Variants in KCNIP4 observed in about 807,000 individuals in gnomAD.
KCNIP4 encodes the protein Kv channel-interacting protein 4.
A neutral mutation model predicts 34.0 loss-of-function variants in KCNIP4; 12 were observed. That is an observed-to-expected ratio of 0.35 (90% CI 0.23 to 0.57). The LOEUF is 0.57. Among genes scored for constraint, KCNIP4 ranks in the 20% least tolerant of loss-of-function variants. KCNIP4 has a pLI of 0.83. For missense variants in KCNIP4, 238 were observed against 311.7 expected (o/e 0.76, Z 1.78); for synonymous variants, 124 against 102.2 (o/e 1.21, Z -1.29).
chr4:20,730,164 C>A, intron 8 of KCNIP4, 35 bp from the exon 9 acceptor site: 1 of 1,584,606 alleles, frequency 6.3e-7, no homozygotes, highest in South Asian at 1.2e-5. Context: ...TTAAATTCAG[C>A]ATATCTGCAA....
At chr4:21,400,465 T>TTTCTCCTC (rs1553876082) in intron 1 of KCNIP4, among the ~76,000 whole-genome samples, 20 of 118,044 alleles carry the variant, frequency 1.7e-4, no homozygotes, top group African/African-American at 4.0e-4. Flanking sequence ...TTTCTTTCTG[T>TTTCTCCTC]TCCTCTCCTC....
At chr4:21,445,178 T>C (rs1294088386) in intron 1 of KCNIP4, among the ~76,000 whole-genome samples, 1 of 152,108 alleles carries the variant, frequency 6.6e-6, no homozygotes, top group African/African-American at 2.4e-5. Flanking sequence ...AGAATCAATA[T>C]CTTGAAAATG....
intron 1 of KCNIP4, among the ~76,000 whole-genome samples, chr4:21,093,917 C>G (rs1747231020): frequency 6.6e-6 from 1 of 151,962 alleles, no homozygotes; most frequent in East Asian, 1.9e-4. Flanking sequence ...CCCATCTCTA[C>G]TAAAAATACA....
At chr4:21,776,381 A>G (rs958498057) in intron 1 of KCNIP4, among the ~76,000 whole-genome samples, 2 of 151,902 alleles carry the variant, frequency 1.3e-5, no homozygotes, top group African/African-American at 4.8e-5. Context: ...CTAGTTGGCC[A>G]TCTTGGCCCC....
chr4:21,203,574 G>C (rs1338651825), intron 1 of KCNIP4, among the ~76,000 whole-genome samples: 1 of 152,116 alleles, frequency 6.6e-6, no homozygotes, highest in Admixed American at 6.6e-5. Flanking sequence ...TGCTGAACCT[G>C]CATGTTACCA....
rs980820786 is a variant in KCNIP4 at position 21,254,556 on chromosome 4, A to G, written c.62-371847T>C. Among the ~76,000 whole-genome samples, 5 of 152,166 alleles carry G rather than the reference A, an allele frequency of 3.3e-5. No individual in the cohort carries two copies. In the East Asian group the frequency reaches 7.7e-4, roughly 23 times the overall value. On this transcript the variant is annotated intron_variant, in intron 1 of 8. Transcript: ENST00000382152. ...ATTTTTAATTGACAAATAAAAATGC[A>G]CTACATTTTAAAACTTGAAGGCCCT...
At chr4:20,864,223 CAT>C (rs200562339) in intron 2 of KCNIP4, among the ~76,000 whole-genome samples, 58 of 144,574 alleles carry the variant, frequency 4.0e-4, no homozygotes, top group East Asian at 1.4e-3. Context: ...TGTATATATG[CAT>C]ATATATGTAC....
intron 1 of KCNIP4, among the ~76,000 whole-genome samples, chr4:21,087,824 C>T (rs1327752145): frequency 6.6e-6 from 1 of 152,176 alleles, no homozygotes; most frequent in Admixed American, 6.5e-5. Context: ...TCTGTTTATT[C>T]TTCTTTTCTC....
At chr4:21,824,785 C>A (rs1722574812) in intron 1 of KCNIP4, among the ~76,000 whole-genome samples, 3 of 152,036 alleles carry the variant, frequency 2.0e-5, no homozygotes, top group African/African-American at 7.2e-5. Context: ...CAAGGAGAAC[C>A]TGTTGGGCTG....
rs116072059 is a variant in KCNIP4, at chr4:21,682,175, G to A, written c.61+266396C>T. Among the ~76,000 whole-genome samples, 952 of 152,182 alleles carry A rather than the reference G, an allele frequency of 6.3e-3. 13 individuals are homozygous for A. The highest frequency in any genetic ancestry group is 0.022 in the African/African-American group (893 of 41,528). On this transcript the variant is annotated intron_variant, in intron 1 of 8. Coordinates refer to ENST00000382152, the MANE Select transcript of KCNIP4 (RefSeq NM_025221.6). ...TCCAAAGCGCTGAGATTACCTGCGT[G>A]AGCCACCACGCCCAGCCAATGCCAT...
intron 1 of KCNIP4, among the ~76,000 whole-genome samples, chr4:21,894,284 G>A (rs1370482008): frequency 2.6e-5 from 4 of 152,012 alleles, no homozygotes; most frequent in South Asian, 2.1e-4. Context: ...GAAGTGAGCC[G>A]AGATTGAGCT....
intron 1 of KCNIP4, among the ~76,000 whole-genome samples, chr4:21,727,092 G>A (rs1275192140): frequency 1.3e-5 from 2 of 152,122 alleles, no homozygotes; most frequent in African/African-American, 2.4e-5. Context: ...GTGGTCACAT[G>A]TGCCATGTAT....
At chr4:21,211,526 G>T (rs1303572859) in intron 1 of KCNIP4, among the ~76,000 whole-genome samples, 1 of 152,122 alleles carries the variant, frequency 6.6e-6, no homozygotes, top group African/African-American at 2.4e-5. Flanking sequence ...GATCTCTGAA[G>T]TGGAACAGTT....
intron 1 of KCNIP4, among the ~76,000 whole-genome samples, chr4:21,259,713 A>G (rs900802193): frequency 3.3e-5 from 5 of 152,168 alleles, no homozygotes; most frequent in African/African-American, 1.2e-4. Flanking sequence ...ACATGTAAAC[A>G]AATAAGGCAT....
At chr4:21,468,150 C>G (rs1025534103) in intron 1 of KCNIP4, among the ~76,000 whole-genome samples, 1 of 151,824 alleles carries the variant, frequency 6.6e-6, no homozygotes, top group Non-Finnish European at 1.5e-5. Context: ...AAAACCTATT[C>G]CCAGATATAA....
At chr4:21,603,887 A>G (rs1431409105) in intron 1 of KCNIP4, among the ~76,000 whole-genome samples, 1 of 152,182 alleles carries the variant, frequency 6.6e-6, no homozygotes, top group African/African-American at 2.4e-5. Context: ...TGAGATGCTT[A>G]AACAAATTTA....
intron 1 of KCNIP4, among the ~76,000 whole-genome samples, chr4:21,607,041 T>A (rs1396104065): frequency 2.0e-5 from 3 of 151,762 alleles, no homozygotes; most frequent in East Asian, 3.9e-4. Flanking sequence ...TTTTTTTTTT[T>A]TATAATGTAG....
intron 1 of KCNIP4, among the ~76,000 whole-genome samples, chr4:21,341,414 A>C (rs1189644927): frequency 6.6e-6 from 1 of 152,166 alleles, no homozygotes; most frequent in Non-Finnish European, 1.5e-5. Context: ...CACTCCTCCC[A>C]TATCCTTGGC....
At chr4:21,173,161 A>G (rs1413186645) in intron 1 of KCNIP4, among the ~76,000 whole-genome samples, 1 of 152,176 alleles carries the variant, frequency 6.6e-6, no homozygotes, top group East Asian at 1.9e-4. Context: ...CTTAACTGCA[A>G]GGGAAGCTGA....
Sources: allele counts gnomAD v4.1 joint callset (sites outside exome capture counted in the v4.1 genomes callset), GRCh38; gene constraint gnomAD v4.1.1; transcripts MANE v1.5; gene names NCBI Gene and HGNC (gene_info 2026-07-23, HGNC 2026-07-21).